The following PCDH15 variants were observed in gnomAD, a reference collection of about 807,000 sequenced individuals.
The protein encoded by PCDH15 is protocadherin-15.
PCDH15 carries 129 observed loss-of-function variants against 178.5 expected under a neutral mutation model. The observed-to-expected ratio is 0.72, with a 90% confidence interval of 0.63 to 0.84. The LOEUF (loss-of-function observed/expected upper bound fraction) is 0.84, where lower values mean the gene tolerates loss of function less well. Among genes scored for constraint, PCDH15 ranks in the 40% least tolerant of loss-of-function variants. The pLI, the probability that PCDH15 is intolerant of heterozygous loss-of-function variation, is 0.00. For missense variants in PCDH15, 2,230 were observed against 2,099.9 expected, an observed-to-expected ratio of 1.06 and a Z score of -1.21; for synonymous variants, 800 against 732.0, an observed-to-expected ratio of 1.09 and a Z score of -1.50.
intron 9 of PCDH15, among the ~76,000 whole-genome samples, chr10:54,217,006 C>T (rs2052153668): frequency 6.6e-6 from 1 of 152,002 alleles, no homozygotes. Context: ...ATATGCTAAC[C>T]TTTAAGAAGA....
chr10:55,355,268 A>G (rs1262737161), intron 2 of PCDH15, among the ~76,000 whole-genome samples: 2 of 151,992 alleles, frequency 1.3e-5, no homozygotes, highest in African/African-American at 4.8e-5. Context: ...AGATAAAGTA[A>G]ATGCCGAAGA....
At chr10:55,302,826 C>T (rs1005512160) in intron 1 of PCDH15, among the ~76,000 whole-genome samples, 17 of 152,056 alleles carry the variant, frequency 1.1e-4, no homozygotes, top group African/African-American at 4.1e-4. Flanking sequence ...TTAATCCATA[C>T]TAAATCTTCA....
In PCDH15 at chr10:55,374,884, T is replaced by C. The variant is rs139305780; in HGVS notation, c.-155-208233A>G. The stretch of plus-strand genomic sequence containing the variant: ...TGAATAAATGAAGGAATTATTGATC[T>C]GACCAACAATATAAAAATAGAGTAG... On this transcript the variant is annotated intron_variant, in intron 2 of 5. Coordinates refer to the PCDH15 transcript ENST00000613346. Among the ~76,000 whole-genome samples, 39 of 152,104 alleles carry C rather than the reference T, an allele frequency of 2.6e-4. No homozygotes were observed. In the East Asian group the frequency reaches 3.7e-3, roughly 14 times the overall value.
At chr10:55,121,358 TG>T (rs35173407) in intron 2 of PCDH15, among the ~76,000 whole-genome samples, 36,514 of 149,044 alleles carry the variant, frequency 0.24, 5,139 homozygotes, top group African/African-American at 0.38. Flanking sequence ...GGCTCAGAGC[TG>T]GGGGGGGGCA....
rs2094144870 is a variant in PCDH15 at position 54,066,844 on chromosome 10, A to G, written c.2133T>C (p.Asn711=). 6.2e-7 allele frequency: 1 copy of G among 1,613,482 alleles called. No homozygotes were observed. Among genetic ancestry groups the G allele is most frequent in the Non-Finnish European group, 8.5e-7 (1 of 1,179,588 alleles). The stretch of plus-strand genomic sequence containing the variant: ...AAGGATCAAACACTGGAGCATTGTC[A>G]TTGACATCTGTCACCACTATGTTTA... ...ATVNIVVTDV[N]DNAPVFDPYL... Residue 711 remains asparagine (N), a synonymous_variant, in exon 18 of 38, where the codon AAT becomes AAC. Transcript: ENST00000644397.
chr10:54,306,802 A>G (rs2060497248), intron 8 of PCDH15, among the ~76,000 whole-genome samples: 1 of 150,872 alleles, frequency 6.6e-6, no homozygotes, highest in African/African-American at 2.4e-5. Context: ...AAGACAAAGA[A>G]TTACATCCTG....
chr10:54,788,658 TAAAC>T (rs974730316), intron 1 of PCDH15, among the ~76,000 whole-genome samples: 4 of 151,694 alleles, frequency 2.6e-5, no homozygotes, highest in South Asian at 2.1e-4. Context: ...AAACAAAAAA[TAAAC>T]AAAAGGTGAA....
At chr10:55,148,120 C>CT (rs5785119) in intron 2 of PCDH15, among the ~76,000 whole-genome samples, 136,909 of 151,806 alleles carry the variant, frequency 0.9, 62,420 homozygotes, top group Non-Finnish European at 0.97. Context: ...CGATGATGGG[C>CT]TTTCTACTTC....
chr10:55,401,262 G>T (rs1274878799), intron 2 of PCDH15, among the ~76,000 whole-genome samples: 1 of 152,000 alleles, frequency 6.6e-6, no homozygotes, highest in Non-Finnish European at 1.5e-5. Flanking sequence ...TATCTTTAGT[G>T]TGCCAGGATG....
intron 20 of PCDH15, among the ~76,000 whole-genome samples, chr10:53,999,076 T>G (rs2091996092): frequency 6.7e-6 from 1 of 148,596 alleles, no homozygotes; most frequent in South Asian, 2.1e-4. Flanking sequence ...AAAAAAAAGA[T>G]ATGTATATAG....
chr10:54,981,459 A>G (rs988507686), intron 2 of PCDH15, among the ~76,000 whole-genome samples: 1 of 152,140 alleles, frequency 6.6e-6, no homozygotes, highest in South Asian at 2.1e-4. Flanking sequence ...GAAATCAACT[A>G]TGATATAACT....
intron 2 of PCDH15, among the ~76,000 whole-genome samples, chr10:54,578,619 A>G (rs1256265944): frequency 6.6e-6 from 1 of 152,178 alleles, no homozygotes; most frequent in Non-Finnish European, 1.5e-5. Context: ...ACAAAAATAT[A>G]TAATAAAAAT....
chr10:54,760,785 T>C (rs1351436928), intron 1 of PCDH15, among the ~76,000 whole-genome samples: 1 of 152,156 alleles, frequency 6.6e-6, no homozygotes, highest in East Asian at 1.9e-4. Context: ...GTATATATTA[T>C]CTCTTTGTTA....
At chr10:54,396,091 A>G (rs936704506) in intron 3 of PCDH15, among the ~76,000 whole-genome samples, 7 of 152,270 alleles carry the variant, frequency 4.6e-5, no homozygotes, top group Admixed American at 3.3e-4. Context: ...GACAAAAAAT[A>G]TCCCCCTTCC....
chr10:55,284,345 T>C (rs1405343727), intron 1 of PCDH15, among the ~76,000 whole-genome samples: 1 of 152,042 alleles, frequency 6.6e-6, no homozygotes, highest in Non-Finnish European at 1.5e-5. Flanking sequence ...GAGTAAGTTC[T>C]CAACAGGAAA....
intron 6 of PCDH15, among the ~76,000 whole-genome samples, chr10:54,335,376 C>G (rs1261904283): frequency 6.6e-6 from 1 of 152,162 alleles, no homozygotes; most frequent in African/African-American, 2.4e-5. Context: ...ACTCTGTGTT[C>G]TCAGAAAGAT....
At chr10:55,355,972 G>A (rs1055658373) in intron 2 of PCDH15, among the ~76,000 whole-genome samples, 4 of 151,692 alleles carry the variant, frequency 2.6e-5, no homozygotes, top group Non-Finnish European at 4.4e-5. Context: ...CTACTTTATC[G>A]AACATCACAG....
intron 1 of PCDH15, among the ~76,000 whole-genome samples, chr10:54,747,129 C>T (rs1945572246): frequency 1.3e-5 from 2 of 152,152 alleles, no homozygotes; most frequent in African/African-American, 4.8e-5. Flanking sequence ...CATTTCCAGA[C>T]TTTCAGAAAT....
intron 2 of PCDH15, among the ~76,000 whole-genome samples, chr10:54,940,737 A>ATATC (rs1838040218): frequency 1.3e-5 from 2 of 151,814 alleles, no homozygotes; most frequent in South Asian, 4.1e-4. Flanking sequence ...TGTAACTCTT[A>ATATC]TATCTTTGTG....
Sources: gnomAD v4.1 joint callset for allele counts (sites outside exome capture counted in the v4.1 genomes callset) on GRCh38, gnomAD v4.1.1 for gene constraint, MANE v1.5 for transcripts, NCBI Gene and HGNC (gene_info 2026-07-23, HGNC 2026-07-21) for gene names.